Variants in NCAM2 observed in about 807,000 individuals in gnomAD.
NCAM2 encodes N-CAM-2.
Under a neutral mutation model 98.1 loss-of-function variants are expected in NCAM2, and 30 were observed. That is an observed-to-expected ratio of 0.31 (90% CI 0.23 to 0.41). The LOEUF is 0.41. Among genes scored for constraint, NCAM2 ranks in the 10% least tolerant of loss-of-function variants. The pLI, the probability that NCAM2 is intolerant of heterozygous loss-of-function variation, is 1.00. For synonymous variants in NCAM2, 368 were observed against 342.4 expected (o/e 1.07, Z -0.83); for missense variants, 867 against 1,005.8 (o/e 0.86, Z 1.87).
At chr21:21,161,607 A>G (rs1053972506) in intron 1 of NCAM2, among the ~76,000 whole-genome samples, 13 of 151,196 alleles carry the variant, frequency 8.6e-5, no homozygotes, top group Non-Finnish European at 1.3e-4. Context: ...GAGAGAGAGC[A>G]AGATAACATG....
intron 1 of NCAM2, among the ~76,000 whole-genome samples, chr21:21,182,826 CCTA>C (rs2068523202): frequency 1.3e-5 from 2 of 152,096 alleles, no homozygotes; most frequent in Non-Finnish European, 2.9e-5. Context: ...CAGCATTGTT[CCTA>C]CTAAGATATA....
At chr21:21,389,558 C>T (rs561503368) in intron 9 of NCAM2, among the ~76,000 whole-genome samples, 1 of 152,266 alleles carries the variant, frequency 6.6e-6, no homozygotes, top group African/African-American at 2.4e-5. Context: ...ATTTTGTACC[C>T]ATTAACCAAT....
At position 21,214,746 on chromosome 21, in the gene NCAM2, T is replaced by TATATATACACAC. The variant is rs11268201; in HGVS notation, c.56-65831_56-65830insTATATACACACA. On this transcript the variant is annotated intron_variant, in intron 1 of 17. Transcript: ENST00000400546. ...CCATATATATATATATATATATATA[T>TATATATACACAC]ACACTATATATACACATATATGTAA... Among the ~76,000 whole-genome samples, 34 of 100,604 alleles carry TATATATACACAC rather than the reference T, an allele frequency of 3.4e-4. 1 individual carries two copies. The highest frequency in any genetic ancestry group is 1.8e-3 in the Admixed American group (16 of 8,774). The allele number at this position is 100,604 out of a possible 152,430, so 66.0% of individuals were successfully genotyped here.
intron 1 of NCAM2, among the ~76,000 whole-genome samples, chr21:21,083,786 A>C (rs1162311525): frequency 6.6e-6 from 1 of 152,188 alleles, no homozygotes. Flanking sequence ...TTATGCCAAG[A>C]TGTTTTTATA....
chr21:21,311,372 A>G (rs7282340), intron 5 of NCAM2, among the ~76,000 whole-genome samples: 119,791 of 143,708 alleles, frequency 0.83, 49,998 homozygotes, highest in East Asian at 0.99. Flanking sequence ...ACGGAGTCTC[A>G]CTCTGTGGCC....
chr21:21,284,325 G>T lies in NCAM2; in HGVS notation c.262G>T (p.Ala88Ser), dbSNP rs561130374. ...LTIYNANIED[A>S]GIYRCQATDA... ...CATCTACAATGCAAATATAGAAGAT[G>T]CAGGGATATATCGTTGTCAAGCAAC... is the stretch of plus-strand genomic sequence containing the variant. Residue 88 changes from alanine to serine, a missense_variant, in exon 3 of 18, where the codon GCA (alanine) becomes TCA (serine). Coordinates refer to ENST00000400546, the MANE Select transcript of NCAM2 (RefSeq NM_004540.5). The T allele has an allele frequency of 1.2e-6, 2 of 1,612,854 alleles. No homozygotes were observed. The highest frequency in any genetic ancestry group is 2.2e-5 in the South Asian group (2 of 91,052).
At chr21:21,237,372 A>G (rs1224477077) in intron 1 of NCAM2, among the ~76,000 whole-genome samples, 1 of 152,176 alleles carries the variant, frequency 6.6e-6, no homozygotes, top group Admixed American at 6.5e-5. Flanking sequence ...GATGAAACGT[A>G]AAACTCTGGG....
intron 1 of NCAM2, among the ~76,000 whole-genome samples, chr21:21,027,219 A>T (rs1416605620): frequency 6.6e-6 from 1 of 152,156 alleles, no homozygotes. Context: ...TAATTTATTT[A>T]TTTGACCCAG....
intron 15 of NCAM2, among the ~76,000 whole-genome samples, chr21:21,500,685 T>C (rs1442555869): frequency 1.3e-5 from 2 of 152,262 alleles, no homozygotes; most frequent in Middle Eastern, 3.4e-3. Context: ...ATATTTCTAA[T>C]TATCTATGTA....
At chr21:21,267,768 C>G (rs887938724) in intron 1 of NCAM2, among the ~76,000 whole-genome samples, 2 of 152,224 alleles carry the variant, frequency 1.3e-5, no homozygotes, top group African/African-American at 2.4e-5. Context: ...GTGTCAAACA[C>G]TGATTTAAAT....
At chr21:21,205,483 T>C (rs2069404985) in intron 1 of NCAM2, among the ~76,000 whole-genome samples, 1 of 152,160 alleles carries the variant, frequency 6.6e-6, no homozygotes, top group African/African-American at 2.4e-5. Flanking sequence ...TATATCTTGT[T>C]TTAAGTTTAG....
intron 8 of NCAM2, among the ~76,000 whole-genome samples, chr21:21,346,462 T>C (rs1161150377): frequency 6.6e-6 from 1 of 152,030 alleles, no homozygotes; most frequent in East Asian, 1.9e-4. Flanking sequence ...ACTTTCAGCA[T>C]TGGACAAATG....
chr21:21,007,711 A>T (rs1235192643), intron 1 of NCAM2, among the ~76,000 whole-genome samples: 11 of 151,842 alleles, frequency 7.2e-5, no homozygotes, highest in Admixed American at 7.2e-4. Context: ...ACCAGAGGTC[A>T]CTCTTGTGGC....
intron 1 of NCAM2, among the ~76,000 whole-genome samples, chr21:21,238,898 ATCT>A (rs1255479951): frequency 2.6e-5 from 4 of 152,204 alleles, no homozygotes; most frequent in Admixed American, 6.5e-5. Context: ...ACATGGCGTA[ATCT>A]TCTCAGAGCA....
chr21:21,052,470 A>G (rs1391562968), intron 1 of NCAM2, among the ~76,000 whole-genome samples: 1 of 152,014 alleles, frequency 6.6e-6, no homozygotes, highest in Non-Finnish European at 1.5e-5. Flanking sequence ...ATTTTAGTCC[A>G]TATTCTATTT....
At chr21:21,266,575 C>T (rs978863546) in intron 1 of NCAM2, among the ~76,000 whole-genome samples, 2 of 152,038 alleles carry the variant, frequency 1.3e-5, no homozygotes, top group African/African-American at 4.8e-5. Flanking sequence ...TTTGTAGGGA[C>T]ATGGATGAAG....
intron 16 of NCAM2, among the ~76,000 whole-genome samples, chr21:21,523,168 G>A (rs1000079265): frequency 2.0e-5 from 3 of 151,946 alleles, no homozygotes; most frequent in South Asian, 4.1e-4. Context: ...GGTTTCCCTT[G>A]CTGTTCAGAT....
intron 12 of NCAM2, among the ~76,000 whole-genome samples, chr21:21,448,850 A>G (rs1980592200): frequency 6.6e-6 from 1 of 152,098 alleles, no homozygotes; most frequent in African/African-American, 2.4e-5. Flanking sequence ...TCTGATTTGC[A>G]TGTTGTGGAA....
chr21:21,297,544 A>G (rs979270614), intron 5 of NCAM2, among the ~76,000 whole-genome samples: 8 of 151,716 alleles, frequency 5.3e-5, no homozygotes, highest in Non-Finnish European at 7.4e-5. Flanking sequence ...TTGATTGGCT[A>G]CCTTTTCCAT....
Sources: allele counts gnomAD v4.1 joint callset (sites outside exome capture counted in the v4.1 genomes callset), GRCh38; gene constraint gnomAD v4.1.1; transcripts MANE v1.5; gene names NCBI Gene and HGNC (gene_info 2026-07-23, HGNC 2026-07-21).